SH2D4B: variants seen among roughly 807,000 people sequenced by gnomAD.
The protein encoded by SH2D4B is SH2 domain containing 4B, also known as SH2 domain-containing protein 4B.
Under a neutral mutation model 61.5 loss-of-function variants are expected in SH2D4B, and 45 were observed. That is an observed-to-expected ratio of 0.73 (90% CI 0.58 to 0.94). SH2D4B has a LOEUF of 0.94. Ranked by LOEUF, SH2D4B falls within the 40% of genes least tolerant of loss-of-function variation. The pLI is 0.00. For synonymous variants in SH2D4B, 224 were observed against 220.4 expected, an observed-to-expected ratio of 1.02 and a Z score of -0.14; for missense variants, 572 against 574.2, an observed-to-expected ratio of 1.00 and a Z score of 0.04.
chr10:80,640,977 G>C (rs1053647438), intron 7 of SH2D4B, among the ~76,000 whole-genome samples: 1 of 152,184 alleles, frequency 6.6e-6, no homozygotes, highest in African/African-American at 2.4e-5. Context: ...GGGTTTTGGT[G>C]TGGATGTCCT....
At chr10:80,620,835 G>A (rs1416787592) in intron 6 of SH2D4B, among the ~76,000 whole-genome samples, 1 of 152,210 alleles carries the variant, frequency 6.6e-6, no homozygotes, top group Admixed American at 6.5e-5. Flanking sequence ...ATAAATGCTA[G>A]TTATGGGATT....
At chr10:80,547,433 C>T (rs532202860) in intron 1 of SH2D4B, among the ~76,000 whole-genome samples, 1 of 152,144 alleles carries the variant, frequency 6.6e-6, no homozygotes, top group African/African-American at 2.4e-5. Flanking sequence ...ATCTAGGGAG[C>T]CATGCTGCAC....
chr10:80,541,662 C>T (rs1020686762), intron 1 of SH2D4B, among the ~76,000 whole-genome samples: 3 of 151,406 alleles, frequency 2.0e-5, no homozygotes, highest in African/African-American at 7.4e-5. Context: ...AGTAACACTC[C>T]CCATGTCCCT....
At chr10:80,540,791 C>T in intron 1 of SH2D4B, 3 of 1,543,752 alleles carry the variant, frequency 1.9e-6, no homozygotes, top group Non-Finnish European at 2.6e-6. Context: ...ACACAGCCAA[C>T]TCGAGTGCCA....
At chr10:80,572,953 T>C (rs1489358448) in intron 3 of SH2D4B, among the ~76,000 whole-genome samples, 14 of 4,912 alleles carry the variant, frequency 2.9e-3, no homozygotes, top group African/African-American at 0.014. Flanking sequence ...CAAATATATA[T>C]ATATATATAT....
At chr10:80,603,877 C>T (rs967605593) in intron 5 of SH2D4B, 82 bp downstream of exon 5, 3 of 1,291,334 alleles carry the variant, frequency 2.3e-6, no homozygotes, top group Non-Finnish European at 3.2e-6. Context: ...CGTCCCGGGT[C>T]TGCCCCAGAT....
chr10:80,603,858 C>G (rs1313814497), intron 5 of SH2D4B, 63 bp downstream of exon 5: 17 of 1,467,712 alleles, frequency 1.2e-5, no homozygotes, highest in Non-Finnish European at 2.8e-6. Flanking sequence ...CATGGGACAC[C>G]GGGGTCCCCG....
chr10:80,611,007 C>T (rs1402952076), intron 6 of SH2D4B, among the ~76,000 whole-genome samples: 2 of 151,776 alleles, frequency 1.3e-5, no homozygotes, highest in Non-Finnish European at 2.9e-5. Flanking sequence ...CTTGTCTCTA[C>T]TAAAAATATT....
chr10:80,632,906 T>C (rs1842848827), intron 6 of SH2D4B, among the ~76,000 whole-genome samples: 2 of 151,674 alleles, frequency 1.3e-5, no homozygotes, highest in Admixed American at 1.3e-4. Flanking sequence ...CTTTTCTGCT[T>C]GTAGAGCTTG....
chr10:80,566,975 T>C (rs12248820), intron 1 of SH2D4B, among the ~76,000 whole-genome samples: 60,269 of 152,116 alleles, frequency 0.4, 14,847 homozygotes, highest in African/African-American at 0.71. Context: ...ATTACTGCTG[T>C]CTTGCGCATG....
intron 6 of SH2D4B, among the ~76,000 whole-genome samples, chr10:80,624,443 T>C (rs1842749938): frequency 1.3e-5 from 2 of 152,190 alleles, no homozygotes; most frequent in South Asian, 4.1e-4. Context: ...TATAATCCCC[T>C]CTAGAATAGG....
intron 1 of SH2D4B, among the ~76,000 whole-genome samples, chr10:80,549,244 T>TGA (rs1564765456): frequency 7.3e-5 from 11 of 151,462 alleles, no homozygotes; most frequent in African/African-American, 9.7e-5. Flanking sequence ...TGTGTGTGTG[T>TGA]GAGTTTGGCA....
At chr10:80,542,208 G>A (rs1841589206) in intron 1 of SH2D4B, among the ~76,000 whole-genome samples, 1 of 151,734 alleles carries the variant, frequency 6.6e-6, no homozygotes, top group South Asian at 2.1e-4. Flanking sequence ...CATTCTCCTT[G>A]GCCACCACAG....
intron 1 of SH2D4B, among the ~76,000 whole-genome samples, chr10:80,543,433 C>G (rs1235447640): frequency 6.6e-6 from 1 of 152,178 alleles, no homozygotes; most frequent in East Asian, 1.9e-4. Context: ...CTCACCGGGC[C>G]TTAGCTGCCT....
intron 4 of SH2D4B, among the ~76,000 whole-genome samples, chr10:80,591,819 G>T (rs909168740): frequency 9.2e-5 from 14 of 151,944 alleles, no homozygotes; most frequent in Admixed American, 2.0e-4. Flanking sequence ...TTTTATACAG[G>T]CCTGCTCTCT....
chr10:80,587,467 C>G (rs1330484459), intron 3 of SH2D4B, among the ~76,000 whole-genome samples: 2 of 151,970 alleles, frequency 1.3e-5, no homozygotes. Flanking sequence ...TTAGTAGAGA[C>G]GGGGTTTCTC....
chr10:80,539,039 G>A lies in SH2D4B; in HGVS notation c.184+524G>A, dbSNP rs1255372464. Among the ~76,000 whole-genome samples, 3 of 152,204 alleles carry A rather than the reference G, an allele frequency of 2.0e-5. No homozygotes were observed. The highest frequency in any genetic ancestry group is 4.4e-5 in the Non-Finnish European group (3 of 68,040). Reference sequence around the variant, plus strand: ...GTGGGTTGTCTCTGGAGCCCCACTGGGCATCCGGAGAGAGGGCATCAGGGA... The same window carrying A: ...GTGGGTTGTCTCTGGAGCCCCACTGAGCATCCGGAGAGAGGGCATCAGGGA... On this transcript the variant is annotated intron_variant, in intron 1 of 7. Coordinates refer to ENST00000646907, the MANE Select transcript of SH2D4B (RefSeq NM_001388272.1). This position sits in a 1 kb window ranked among gnomAD's most constrained non-coding sequence, Gnocchi z 4.9.
At chr10:80,597,922 C>T (rs1220893832) in intron 4 of SH2D4B, among the ~76,000 whole-genome samples, 1 of 152,006 alleles carries the variant, frequency 6.6e-6, no homozygotes, top group Non-Finnish European at 1.5e-5. Context: ...AAAAATGAGG[C>T]TTGAAAGATA....
chr10:80,609,455 T>C lies in SH2D4B; in HGVS notation c.892T>C (p.Ser298Pro), dbSNP rs1020117684. The part of the protein sequence containing the change: ...RTWERPLRPV[S>P]RDVIVRWFKE... ...CTGGGAGCGCCCGCTGCGCCCAGTC[T>C]CCAGAGATGTCATCGTCCGCTGGTT... The change falls in exon 6 of 8, where the codon TCC becomes CCC. Residue 298 changes from serine (S) to proline (P), a missense_variant. By Grantham distance (74) the Ser-to-Pro change is moderately conservative (BLOSUM62 -1). Transcript: ENST00000646907. The C allele has an allele frequency of 6.2e-7, 1 of 1,614,118 alleles. No homozygotes were observed. Among genetic ancestry groups the C allele is most frequent in the Non-Finnish European group, 8.5e-7 (1 of 1,180,002 alleles).
Sources: gnomAD v4.1 joint callset for allele counts (sites outside exome capture counted in the v4.1 genomes callset) on GRCh38, gnomAD v4.1.1 for gene constraint, Gnocchi (gnomAD v3.1) non-coding constraint, MANE v1.5 for transcripts, NCBI Gene and HGNC (gene_info 2026-07-23, HGNC 2026-07-21) for gene names.